Variants in TAFA2 observed in about 807,000 individuals in gnomAD.
The protein encoded by TAFA2 is TAFA chemokine like family member 2.
Under a neutral mutation model 18.8 loss-of-function variants are expected in TAFA2, and 7 were observed. That is an observed-to-expected ratio of 0.37 (90% confidence interval 0.21 to 0.70). The LOEUF is 0.70. Ranked by LOEUF, TAFA2 falls within the 30% of genes least tolerant of loss-of-function variation. The probability of loss-of-function intolerance (pLI) is 0.53; values close to 1 mark genes in which losing one functional copy is unlikely to be tolerated. For synonymous variants in TAFA2, 60 were observed against 54.2 expected, an observed-to-expected ratio of 1.11 and a Z score of -0.47; for missense variants, 122 against 158.1, an observed-to-expected ratio of 0.77 and a Z score of 1.23.
intron 4 of TAFA2, among the ~76,000 whole-genome samples, chr12:61,748,178 A>C (rs1260666146): frequency 1.3e-5 from 2 of 152,110 alleles, no homozygotes; most frequent in African/African-American, 4.8e-5. Flanking sequence ...GGAAGATAAT[A>C]AAATCAAAAC....
At chr12:62,070,385 A>G (rs1882598441) in intron 1 of TAFA2, 1 of 152,232 alleles carries the variant, frequency 6.6e-6, no homozygotes, top group Non-Finnish European at 1.5e-5. Flanking sequence ...GCTAAGAGCA[A>G]TAACCACAAA....
chr12:61,816,195 A>T (rs1390153423), intron 2 of TAFA2, among the ~76,000 whole-genome samples: 1 of 150,824 alleles, frequency 6.6e-6, no homozygotes, highest in Non-Finnish European at 1.5e-5. Flanking sequence ...CATCAAGTAG[A>T]CCCCAGTGTC....
intron 2 of TAFA2, among the ~76,000 whole-genome samples, chr12:61,857,584 G>T (rs1014333063): frequency 2.6e-5 from 4 of 152,174 alleles, no homozygotes; most frequent in Non-Finnish European, 4.4e-5. Flanking sequence ...TTCCCAGGCT[G>T]CTCTGCCAGC....
chr12:62,156,614 A>G (rs1235721147), intron 1 of TAFA2, among the ~76,000 whole-genome samples: 2 of 152,178 alleles, frequency 1.3e-5, no homozygotes, highest in African/African-American at 2.4e-5. Context: ...ATGAAATACT[A>G]CTTAGCCATA....
At position 61,933,227 on chromosome 12, in the gene TAFA2, A is replaced by G. The variant is rs1329846875; in HGVS notation, c.-1-65801T>C. Among the ~76,000 whole-genome samples, 4 of 152,220 alleles carry G rather than the reference A, an allele frequency of 2.6e-5. No individual in the cohort carries two copies. In the East Asian group the frequency reaches 5.8e-4, roughly 22 times the overall value. On this transcript the variant is annotated intron_variant, in intron 1 of 4. Coordinates refer to ENST00000416284, the MANE Select transcript of TAFA2 (RefSeq NM_178539.5). Reference sequence around the variant, plus strand: ...TCAAGGAAGGAACACAGAATTTGCCATCAATCAGACTGAGCTCAAATCCTA... The same window carrying G: ...TCAAGGAAGGAACACAGAATTTGCCGTCAATCAGACTGAGCTCAAATCCTA...
At chr12:62,248,097 A>G (rs1259936895) in intron 1 of TAFA2, among the ~76,000 whole-genome samples, 2 of 152,210 alleles carry the variant, frequency 1.3e-5, no homozygotes, top group Non-Finnish European at 2.9e-5. Context: ...AAGCTCTCAG[A>G]AAAAAGGCGG....
intron 1 of TAFA2, among the ~76,000 whole-genome samples, chr12:62,147,316 GTGTATGTATGTATATATATA>G (rs1342261643): frequency 0.024 from 1,070 of 45,308 alleles, 33 homozygotes; most frequent in African/African-American, 0.071. Context: ...GTGTGTGTGT[GTGTATGTATGTATATATATA>G]TATATATATA....
At chr12:61,821,972 GAATT>G (rs952502849) in intron 2 of TAFA2, among the ~76,000 whole-genome samples, 6 of 152,030 alleles carry the variant, frequency 3.9e-5, no homozygotes, top group African/African-American at 1.2e-4. Context: ...TTTAAGTATT[GAATT>G]AATTAATTTA....
At chr12:62,108,016 C>G (rs1869540874) in intron 1 of TAFA2, among the ~76,000 whole-genome samples, 1 of 151,888 alleles carries the variant, frequency 6.6e-6, no homozygotes, top group East Asian at 1.9e-4. Flanking sequence ...ACTTTAAGTT[C>G]TGGGATACAT....
chr12:62,098,799 T>C lies in TAFA2; in HGVS notation c.-2+92460A>G, dbSNP rs1443842720. 4.6e-5 allele frequency among the ~76,000 whole-genome samples: 7 copies of C among 152,250 alleles called. No homozygotes were observed. In the East Asian group the frequency reaches 1.4e-3, roughly 29 times the overall value. ...AGACTTAAAGATATTAAAATTGAAA[T>C]TGAATAAAAATATGAATTCATATTT... On this transcript the variant is annotated intron_variant, in intron 1 of 4. Coordinates refer to ENST00000416284, the MANE Select transcript of TAFA2 (RefSeq NM_178539.5).
At chr12:61,905,595 T>C (rs1176612507) in intron 1 of TAFA2, among the ~76,000 whole-genome samples, 1 of 152,182 alleles carries the variant, frequency 6.6e-6, no homozygotes, top group South Asian at 2.1e-4. Context: ...CATGACCAGA[T>C]AATCTCAATA....
intron 1 of TAFA2, among the ~76,000 whole-genome samples, chr12:62,165,573 C>T (rs796191164): frequency 5.3e-5 from 8 of 152,184 alleles, no homozygotes; most frequent in African/African-American, 1.9e-4. Context: ...GTCATCATTT[C>T]CCTCAAAAGT....
intron 1 of TAFA2, chr12:61,879,698 C>T (rs1875031836): frequency 2.7e-6 from 3 of 1,124,846 alleles, no homozygotes; most frequent in Non-Finnish European, 4.0e-6. Context: ...GTGGAGCCTC[C>T]TGCAGCAGCA....
intron 1 of TAFA2, among the ~76,000 whole-genome samples, chr12:62,208,819 T>C (rs959060438): frequency 3.3e-5 from 5 of 152,194 alleles, no homozygotes; most frequent in African/African-American, 7.2e-5. Flanking sequence ...TCTTGAGCCA[T>C]AAGATTTTCA....
chr12:61,760,831 A>G (rs1437384316), intron 2 of TAFA2, among the ~76,000 whole-genome samples: 1 of 151,852 alleles, frequency 6.6e-6, no homozygotes, highest in African/African-American at 2.4e-5. Flanking sequence ...TAAATGAAAA[A>G]GAACAAACAA....
intron 1 of TAFA2, among the ~76,000 whole-genome samples, chr12:61,973,386 ATTAT>A (rs1460696660): frequency 1.5e-5 from 2 of 129,182 alleles, no homozygotes; most frequent in African/African-American, 6.1e-5. Flanking sequence ...CTTGGAAAAT[ATTAT>A]TTAGATTTTT....
At chr12:61,816,102 T>C (rs1872073295) in intron 2 of TAFA2, among the ~76,000 whole-genome samples, 1 of 151,390 alleles carries the variant, frequency 6.6e-6, no homozygotes, top group East Asian at 1.9e-4. Context: ...GGGTTTGTTG[T>C]ACAGATTATT....
intron 1 of TAFA2, among the ~76,000 whole-genome samples, chr12:62,107,435 T>A (rs1241692237): frequency 1.3e-5 from 2 of 152,142 alleles, no homozygotes; most frequent in Non-Finnish European, 2.9e-5. Context: ...AAAATAAAAA[T>A]AAAGTAGTGA....
intron 1 of TAFA2, among the ~76,000 whole-genome samples, chr12:62,227,097 C>T (rs2062790165): frequency 6.6e-6 from 1 of 152,190 alleles, no homozygotes; most frequent in Non-Finnish European, 1.5e-5. Context: ...ATAATCCATT[C>T]CCCTTTCCTT....
Sources: allele counts gnomAD v4.1 joint callset (sites outside exome capture counted in the v4.1 genomes callset), GRCh38; gene constraint gnomAD v4.1.1; transcripts MANE v1.5; gene names NCBI Gene and HGNC (gene_info 2026-07-23, HGNC 2026-07-21).